The following TENM4 variants were observed in gnomAD, a reference collection of about 807,000 sequenced individuals.
TENM4 encodes teneurin-4.
A neutral mutation model predicts 243.3 loss-of-function variants in TENM4; 82 were observed. The ratio of observed to expected loss-of-function variants is 0.34; its 90% CI spans 0.28 to 0.40. TENM4 has a LOEUF of 0.40. TENM4 is among the 10% of genes least tolerant of loss of function. The pLI is 1.00. For missense variants in TENM4, 3,138 were observed against 3,673.3 expected (o/e 0.85, Z 3.77); for synonymous variants, 1,412 against 1,456.3 (o/e 0.97, Z 0.69).
At chr11:79,261,564 C>G (rs984476264) in intron 2 of TENM4, among the ~76,000 whole-genome samples, 2 of 152,118 alleles carry the variant, frequency 1.3e-5, no homozygotes, top group East Asian at 1.9e-4. Flanking sequence ...ATATGGAACC[C>G]CACACCAGGA....
chr11:78,920,057 T>C (rs995685105), intron 6 of TENM4, among the ~76,000 whole-genome samples: 4 of 152,194 alleles, frequency 2.6e-5, no homozygotes, highest in African/African-American at 7.2e-5. Flanking sequence ...TTTATCACCA[T>C]GTCACTTGCA....
At chr11:79,227,860 G>A (rs78471441) in intron 2 of TENM4, among the ~76,000 whole-genome samples, 4,872 of 152,314 alleles carry the variant, frequency 0.032, 105 homozygotes, top group Non-Finnish European at 0.051. Flanking sequence ...AAAGACACCT[G>A]TCAGTAGATT....
At chr11:78,855,869 C>A (rs1858669200) in intron 11 of TENM4, 95 bp downstream of exon 11, 14 of 1,210,878 alleles carry the variant, frequency 1.2e-5, no homozygotes, top group South Asian at 1.5e-5. Context: ...AATGTCCCTT[C>A]AGGCTTAAGG....
At chr11:78,793,768 A>G (rs554277124) in intron 15 of TENM4, among the ~76,000 whole-genome samples, 4 of 152,354 alleles carry the variant, frequency 2.6e-5, no homozygotes, top group South Asian at 4.1e-4. Context: ...ATAGTTGAGG[A>G]AACAGCTTGG....
intron 12 of TENM4, among the ~76,000 whole-genome samples, chr11:78,851,413 A>T (rs61597611): frequency 0.021 from 3,216 of 152,344 alleles, 127 homozygotes; most frequent in African/African-American, 0.073. Flanking sequence ...AGCTCTGACA[A>T]GCCAAGGGTT....
intron 6 of TENM4, among the ~76,000 whole-genome samples, chr11:79,022,528 C>T (rs1858959254): frequency 6.6e-6 from 1 of 152,156 alleles, no homozygotes; most frequent in Admixed American, 6.5e-5. Context: ...ATTCACATGG[C>T]CCTGGAAACC....
In TENM4 at chr11:79,009,638, G is replaced by C. The variant is rs377089414; in HGVS notation, c.493+55100C>G. Among the ~76,000 whole-genome samples, 295 of 152,266 alleles carry C rather than the reference G, an allele frequency of 1.9e-3. 1 individual carries two copies. The highest frequency in any genetic ancestry group is 6.2e-3 in the African/African-American group (257 of 41,548). On this transcript the variant is annotated intron_variant, in intron 6 of 33. Transcript: ENST00000278550. ...CCATAGGATCACTTAGTGTTGTTGA[G>C]AGGATCCTAGCAATCATTTGCTGAA... is the stretch of plus-strand genomic sequence containing the variant.
intron 32 of TENM4, among the ~76,000 whole-genome samples, chr11:78,662,676 G>C (rs1485954630): frequency 6.6e-6 from 1 of 152,182 alleles, no homozygotes; most frequent in Non-Finnish European, 1.5e-5. Context: ...AGGAAATGAA[G>C]AGGACCAGTC....
At chr11:79,130,438 C>A (rs1861979032) in intron 4 of TENM4, among the ~76,000 whole-genome samples, 1 of 150,458 alleles carries the variant, frequency 6.6e-6, no homozygotes, top group African/African-American at 2.5e-5. Context: ...TTAAGCTAAT[C>A]AGGGAGGGAC....
intron 2 of TENM4, among the ~76,000 whole-genome samples, chr11:79,240,293 TG>T (rs1864565750): frequency 6.6e-6 from 1 of 152,178 alleles, no homozygotes; most frequent in Non-Finnish European, 1.5e-5. Context: ...TTCCATGACA[TG>T]GACTCTACCC....
At chr11:79,145,776 C>T (rs992111468) in intron 4 of TENM4, among the ~76,000 whole-genome samples, 1 of 152,098 alleles carries the variant, frequency 6.6e-6, no homozygotes, top group East Asian at 1.9e-4. Context: ...TGTTTCACAT[C>T]TTTGCCAACA....
chr11:78,655,720 C>G lies in TENM4; in HGVS notation c.*2338G>C, dbSNP rs1265623040. ...CCAGCAGGTCTTCACTGATGTCAGG[C>G]AGCCAGGATGGGACTGATCAACTGG... On this transcript the variant is annotated 3_prime_UTR_variant, in exon 34 of 34. Coordinates refer to ENST00000278550, the MANE Select transcript of TENM4 (RefSeq NM_001098816.3). 1 of 152,320 alleles carries G rather than the reference C, an allele frequency of 6.6e-6. No individual in the cohort carries two copies. Among genetic ancestry groups the G allele is most frequent in the Non-Finnish European group, 1.5e-5 (1 of 68,140 alleles). 9.4% of individuals were successfully genotyped at this position (152,320 alleles called of 1,614,324 possible). A position where few individuals can be genotyped will look rare whatever the true frequency, so the allele number is the denominator to read the frequency against.
intron 1 of TENM4, among the ~76,000 whole-genome samples, chr11:79,352,975 A>C (rs1433313845): frequency 1.3e-5 from 2 of 152,132 alleles, no homozygotes; most frequent in Admixed American, 1.3e-4. Context: ...AATGACAGAG[A>C]GACACAGGCA....
At chr11:79,347,102 A>G (rs1857338492) in intron 1 of TENM4, among the ~76,000 whole-genome samples, 1 of 152,202 alleles carries the variant, frequency 6.6e-6, no homozygotes, top group African/African-American at 2.4e-5. Flanking sequence ...TTCCAAAATC[A>G]AAGGTGGCAT....
At chr11:79,061,761 TAG>T (rs553435628) in intron 6 of TENM4, among the ~76,000 whole-genome samples, 129 of 152,314 alleles carry the variant, frequency 8.5e-4, no homozygotes, top group Middle Eastern at 3.4e-3. Flanking sequence ...GTAAAGATTT[TAG>T]AGTCATGTAG....
At chr11:79,393,033 C>A (rs545270050) in intron 1 of TENM4, among the ~76,000 whole-genome samples, 13 of 152,284 alleles carry the variant, frequency 8.5e-5, no homozygotes, top group African/African-American at 2.9e-4. Context: ...CCCCACAGTG[C>A]CTGATAACTC....
chr11:79,286,176 T>C (rs963695463), intron 2 of TENM4, among the ~76,000 whole-genome samples: 3 of 152,144 alleles, frequency 2.0e-5, no homozygotes, highest in African/African-American at 7.2e-5. Context: ...TTTATTATTG[T>C]TTCCATGTTG....
At chr11:79,160,260 G>A (rs1862714922) in intron 3 of TENM4, among the ~76,000 whole-genome samples, 1 of 152,176 alleles carries the variant, frequency 6.6e-6, no homozygotes, top group African/African-American at 2.4e-5. Context: ...CAGGGGATAT[G>A]CTTTCCACTC....
At chr11:79,181,170 A>G (rs973359376) in intron 3 of TENM4, among the ~76,000 whole-genome samples, 2 of 152,286 alleles carry the variant, frequency 1.3e-5, no homozygotes, top group Middle Eastern at 6.8e-3. Flanking sequence ...ATCTCTCAGG[A>G]GCACAGATAC....
Sources: gnomAD v4.1 joint callset for allele counts (sites outside exome capture counted in the v4.1 genomes callset) on GRCh38, gnomAD v4.1.1 for gene constraint, MANE v1.5 for transcripts, NCBI Gene and HGNC (gene_info 2026-07-23, HGNC 2026-07-21) for gene names.